The following ARMC3 variants were observed in gnomAD, a reference collection of about 807,000 sequenced individuals.
ARMC3 encodes the protein armadillo repeat-containing protein 3.
Under a neutral mutation model 90.3 loss-of-function variants are expected in ARMC3, and 74 were observed. The ratio of observed to expected loss-of-function variants is 0.82; its 90% confidence interval spans 0.68 to 0.99. The LOEUF is 0.99. Ranked by LOEUF, ARMC3 falls within the 50% of genes least tolerant of loss-of-function variation. The pLI is 0.00. For missense variants in ARMC3, 958 were observed against 1,042.8 expected (o/e 0.92, Z 1.12); for synonymous variants, 334 against 361.8 (o/e 0.92, Z 0.87).
intron 12 of ARMC3, 108 bp downstream of exon 12, chr10:23,002,163 G>T (rs1837325905): frequency 9.0e-6 from 13 of 1,445,434 alleles, no homozygotes; most frequent in Admixed American, 4.7e-5. Flanking sequence ...TGCTCTCTCA[G>T]TCCGCTGAAG....
chr10:23,023,941 A>G (rs1397497172), intron 16 of ARMC3, among the ~76,000 whole-genome samples: 1 of 152,202 alleles, frequency 6.6e-6, no homozygotes, highest in African/African-American at 2.4e-5. Context: ...GTATTCAAAC[A>G]GGTAATGATT....
Position 22,961,922 on chromosome 10 carries a change from A to G in ARMC3, c.576A>G (p.Ala192=). Residue 192 remains alanine, a synonymous_variant, in exon 7 of 19, where the codon GCA becomes GCG. Transcript: ENST00000298032. ...GAGCTAAACTTCAAGAACTAAATGC[A>G]ATACCTCCTATCTTAGATCTCTTGA... ...QCRAKLQELN[A]IPPILDLLKS... 2 of 1,609,984 alleles carry G rather than the reference A, an allele frequency of 1.2e-6. No homozygotes were observed. The highest frequency in any genetic ancestry group is 1.3e-5 in the African/African-American group (1 of 74,836).
intron 3 of ARMC3, among the ~76,000 whole-genome samples, chr10:22,951,188 C>T (rs749235705): frequency 5.3e-5 from 8 of 152,164 alleles, no homozygotes; most frequent in South Asian, 2.1e-4. Flanking sequence ...CCACCTGTCT[C>T]GGCCTCCCAA....
At chr10:22,939,814 G>T (rs958837406) in intron 2 of ARMC3, among the ~76,000 whole-genome samples, 5 of 152,092 alleles carry the variant, frequency 3.3e-5, no homozygotes, top group African/African-American at 1.2e-4. Flanking sequence ...GCTAATAGAG[G>T]AGGTAAAATG....
At chr10:23,017,456 A>G (rs751364085) in intron 16 of ARMC3, among the ~76,000 whole-genome samples, 1 of 152,182 alleles carries the variant, frequency 6.6e-6, no homozygotes, top group Non-Finnish European at 1.5e-5. Flanking sequence ...CAGATGCTCA[A>G]TATGCATGAG....
intron 10 of ARMC3, among the ~76,000 whole-genome samples, chr10:22,984,066 C>T (rs1237301451): frequency 6.6e-6 from 1 of 152,062 alleles, no homozygotes; most frequent in Admixed American, 6.6e-5. Flanking sequence ...AGACAAAAGC[C>T]CAGAGTTAAC....
chr10:22,989,501 T>G (rs1836615062), intron 10 of ARMC3, among the ~76,000 whole-genome samples: 1 of 152,076 alleles, frequency 6.6e-6, no homozygotes, highest in Admixed American at 6.5e-5. Flanking sequence ...TTTTACATTC[T>G]TATTTATATC....
chr10:22,967,614 G>C (rs1429746544), intron 7 of ARMC3, among the ~76,000 whole-genome samples: 2 of 152,170 alleles, frequency 1.3e-5, no homozygotes, highest in African/African-American at 4.8e-5. Flanking sequence ...CCAAAGCCCT[G>C]CAAGGTATTG....
At chr10:22,929,265 A>AGG (rs898219132) in intron 1 of ARMC3, among the ~76,000 whole-genome samples, 2 of 150,216 alleles carry the variant, frequency 1.3e-5, no homozygotes, top group Non-Finnish European at 1.5e-5. Context: ...AGAGAGAGAG[A>AGG]GGGAGAGAGA....
chr10:22,962,555 G>A (rs1431597701), intron 7 of ARMC3, among the ~76,000 whole-genome samples: 1 of 152,182 alleles, frequency 6.6e-6, no homozygotes, highest in Non-Finnish European at 1.5e-5. Flanking sequence ...GACTTGAGTG[G>A]TTCAGATCTC....
rs544182119 is a variant in ARMC3, at chr10:22,998,373, G to A, written c.1401G>A (p.Ala467=). The change falls in exon 11 of 19, where the codon GCG becomes GCA. Residue 467 remains alanine, a synonymous_variant. Transcript: ENST00000298032. ...SKAALAVTAT[A]CDVEARTELR... is the part of the protein sequence containing the mutation. ...CTGCTCTCGCTGTCACCGCAACTGC[G>A]TGTGACGTTGAAGCCCGGACTGAGG... The A allele has an allele frequency of 2.2e-5, 35 of 1,614,118 alleles. No homozygotes were observed. Among genetic ancestry groups the A allele is most frequent in the East Asian group, 4.5e-5 (2 of 44,874 alleles).
intron 8 of ARMC3, among the ~76,000 whole-genome samples, chr10:22,979,396 C>G (rs767024520): frequency 6.6e-6 from 1 of 152,170 alleles, no homozygotes; most frequent in Non-Finnish European, 1.5e-5. Context: ...GTGAACACAG[C>G]TGCATTTTGA....
At position 22,937,652 on chromosome 10, in the gene ARMC3, A is replaced by G. The variant is rs1471091483; in HGVS notation, c.48+5608A>G. 3.9e-5 allele frequency among the ~76,000 whole-genome samples: 6 copies of G among 152,206 alleles called. No individual in the cohort carries two copies. The South Asian group carries it at 1.2e-3, about 32-fold the overall frequency. On this transcript the variant is annotated intron_variant, in intron 2 of 18. Coordinates refer to ENST00000298032, the MANE Select transcript of ARMC3 (RefSeq NM_173081.5). ...CCAAGTATTTTGCATATGATTTCAC[A>G]TAGAGAATGTACCTTCAAAGCCTAC...
At chr10:22,996,197 T>C (rs1412653798) in intron 10 of ARMC3, among the ~76,000 whole-genome samples, 1 of 152,156 alleles carries the variant, frequency 6.6e-6, no homozygotes, top group East Asian at 1.9e-4. Flanking sequence ...AGTATTTCCA[T>C]TGCAAAAATA....
intron 10 of ARMC3, among the ~76,000 whole-genome samples, chr10:22,992,648 G>A (rs182229254): frequency 2.7e-4 from 41 of 152,242 alleles, no homozygotes; most frequent in Admixed American, 1.6e-3. Flanking sequence ...AGAGTTTAGG[G>A]GCACATATAC....
chr10:22,951,495 A>T (rs1240240986), intron 3 of ARMC3, among the ~76,000 whole-genome samples: 1 of 152,206 alleles, frequency 6.6e-6, no homozygotes. Flanking sequence ...CAGAACATTT[A>T]TCCAAATAGA....
chr10:22,945,355 T>C (rs1207563685), intron 2 of ARMC3, among the ~76,000 whole-genome samples: 3 of 152,198 alleles, frequency 2.0e-5, no homozygotes, highest in African/African-American at 4.8e-5. Flanking sequence ...TCTCTGGAAA[T>C]GGAAGAAAAA....
At chr10:22,999,665 A>G (rs1837188550) in intron 11 of ARMC3, among the ~76,000 whole-genome samples, 2 of 152,346 alleles carry the variant, frequency 1.3e-5, no homozygotes, top group South Asian at 4.1e-4. Context: ...AGGCTTAAAG[A>G]AATATGCTCA....
At chr10:23,008,536 A>ATT (rs1837750337) in intron 15 of ARMC3, among the ~76,000 whole-genome samples, 162 bp downstream of exon 15, 1 of 152,236 alleles carries the variant, frequency 6.6e-6, no homozygotes, top group African/African-American at 2.4e-5. Context: ...GATCTCTGGA[A>ATT]TAGGAGCCAG....
Sources: allele counts gnomAD v4.1 joint callset (sites outside exome capture counted in the v4.1 genomes callset), GRCh38; gene constraint gnomAD v4.1.1; transcripts MANE v1.5; gene names NCBI Gene and HGNC (gene_info 2026-07-23, HGNC 2026-07-21).